ATP8A2: variants seen among roughly 807,000 people sequenced by gnomAD.
The protein encoded by ATP8A2 is phospholipid-transporting ATPase IB.
A neutral mutation model predicts 165.6 loss-of-function variants in ATP8A2; 100 were observed. The observed-to-expected ratio is 0.60, with a 90% CI of 0.51 to 0.71. The LOEUF is 0.71. Ranked by LOEUF, ATP8A2 falls within the 30% of genes least tolerant of loss-of-function variation. The probability of loss-of-function intolerance (pLI) is 0.00; values close to 1 mark genes in which losing one functional copy is unlikely to be tolerated. For missense variants in ATP8A2, 1,227 were observed against 1,479.5 expected (o/e 0.83, Z 2.80); for synonymous variants, 543 against 548.8 (o/e 0.99, Z 0.15).
intron 1 of ATP8A2, among the ~76,000 whole-genome samples, chr13:25,439,524 C>T (rs1486446917): frequency 6.6e-6 from 1 of 152,180 alleles, no homozygotes; most frequent in East Asian, 1.9e-4. Context: ...AAGCTTTCTA[C>T]CACTTGTTTT....
intron 24 of ATP8A2, among the ~76,000 whole-genome samples, chr13:25,694,403 T>C (rs1267301726): frequency 2.6e-5 from 4 of 152,216 alleles, no homozygotes; most frequent in African/African-American, 9.6e-5. Context: ...CAAATCTGTG[T>C]ACCTTGTCTC....
intron 25 of ATP8A2, among the ~76,000 whole-genome samples, chr13:25,711,792 A>C (rs2043164836): frequency 6.6e-6 from 1 of 152,174 alleles, no homozygotes; most frequent in Admixed American, 6.5e-5. Flanking sequence ...TAAGAGTTAG[A>C]ATCTGTAATT....
chr13:25,917,968 A>T (rs577521758), intron 33 of ATP8A2, among the ~76,000 whole-genome samples: 2 of 152,378 alleles, frequency 1.3e-5, no homozygotes, highest in East Asian at 3.9e-4. Context: ...TTCTTTGAAT[A>T]TTGGAAGCCC....
intron 25 of ATP8A2, among the ~76,000 whole-genome samples, chr13:25,756,979 C>T (rs1169898172): frequency 6.6e-6 from 1 of 152,198 alleles, no homozygotes; most frequent in Non-Finnish European, 1.5e-5. Context: ...CCCTTGAATC[C>T]TGCTCGCTCA....
At chr13:25,414,768 G>T (rs1288749476) in intron 1 of ATP8A2, among the ~76,000 whole-genome samples, 1 of 152,140 alleles carries the variant, frequency 6.6e-6, no homozygotes, top group African/African-American at 2.4e-5. Context: ...GAATTTCATT[G>T]CCCAAGTTGT....
chr13:25,549,328 C>T (rs141427752), intron 10 of ATP8A2, among the ~76,000 whole-genome samples: 9,647 of 151,830 alleles, frequency 0.064, 398 homozygotes, highest in South Asian at 0.13. Context: ...GGCATGGTGG[C>T]GCACACTTGT....
chr13:25,957,244 T>C (rs1254586363), intron 33 of ATP8A2, among the ~76,000 whole-genome samples: 1 of 152,142 alleles, frequency 6.6e-6, no homozygotes, highest in African/African-American at 2.4e-5. Context: ...CCAAAAGCAA[T>C]GGCAACAAAA....
intron 24 of ATP8A2, among the ~76,000 whole-genome samples, chr13:25,618,107 T>C (rs74375878): frequency 1.3e-5 from 2 of 152,142 alleles, no homozygotes; most frequent in East Asian, 3.8e-4. Context: ...TTGACATAAG[T>C]CTTATGCTTC....
intron 25 of ATP8A2, among the ~76,000 whole-genome samples, chr13:25,714,333 A>G (rs2043212215): frequency 6.6e-6 from 1 of 152,090 alleles, no homozygotes; most frequent in Admixed American, 6.5e-5. Flanking sequence ...CCACTGACAC[A>G]TGGCAAACTC....
At chr13:25,397,204 A>AG (rs2033457466) in intron 1 of ATP8A2, among the ~76,000 whole-genome samples, 2 of 152,224 alleles carry the variant, frequency 1.3e-5, no homozygotes, top group African/African-American at 4.8e-5. Flanking sequence ...ACCAGTGAGG[A>AG]GGGGAAGAGC....
At chr13:25,742,076 C>G (rs1280734089) in intron 25 of ATP8A2, among the ~76,000 whole-genome samples, 10 of 152,156 alleles carry the variant, frequency 6.6e-5, no homozygotes. Context: ...AGAGTATACA[C>G]ACACAAACCT....
chr13:25,848,779 A>G (rs1216605742), intron 30 of ATP8A2, among the ~76,000 whole-genome samples: 2 of 152,136 alleles, frequency 1.3e-5, no homozygotes, highest in African/African-American at 4.8e-5. Context: ...TTTTACGGGG[A>G]GGAAAAAAAT....
intron 24 of ATP8A2, among the ~76,000 whole-genome samples, chr13:25,624,720 A>C (rs1242463748): frequency 6.6e-6 from 1 of 152,192 alleles, no homozygotes; most frequent in Non-Finnish European, 1.5e-5. Flanking sequence ...TGTGAGTTAC[A>C]CTTGCACAGG....
chr13:25,585,395 T>C (rs563029010), intron 23 of ATP8A2, among the ~76,000 whole-genome samples: 2 of 152,332 alleles, frequency 1.3e-5, no homozygotes, highest in Non-Finnish European at 2.9e-5. Flanking sequence ...GTCTGTAATT[T>C]TTTTTAATGG....
chr13:25,777,979 A>G (rs1012326334), intron 27 of ATP8A2, among the ~76,000 whole-genome samples: 1 of 152,240 alleles, frequency 6.6e-6, no homozygotes, highest in African/African-American at 2.4e-5. Context: ...CAAACAAATC[A>G]AGGATTTTAG....
chr13:25,434,739 A>G (rs2138166705), intron 1 of ATP8A2, among the ~76,000 whole-genome samples: 1 of 152,242 alleles, frequency 6.6e-6, no homozygotes, highest in African/African-American at 2.4e-5. Flanking sequence ...ACCCAGCCCC[A>G]TGCATTCTAT....
At chr13:25,417,941 A>G (rs1333983387) in intron 1 of ATP8A2, among the ~76,000 whole-genome samples, 1 of 152,214 alleles carries the variant, frequency 6.6e-6, no homozygotes, top group Non-Finnish European at 1.5e-5. Flanking sequence ...TCTGAAAGTA[A>G]AATTAACTGG....
chr13:25,778,044 T>A (rs2138338782), intron 27 of ATP8A2, among the ~76,000 whole-genome samples: 1 of 152,324 alleles, frequency 6.6e-6, no homozygotes, highest in Non-Finnish European at 1.5e-5. Flanking sequence ...CCTGACAGTG[T>A]ATTCTGGAGA....
chr13:25,937,362 C>CTTTATTTTTTTTTT, intron 33 of ATP8A2, among the ~76,000 whole-genome samples: 2 of 38,806 alleles, frequency 5.2e-5, no homozygotes, highest in East Asian at 2.2e-3. Context: ...TTCTTTCTTT[C>CTTTATTTTTTTTTT]TTTTTTTTTT....
Sources: allele counts gnomAD v4.1 joint callset (sites outside exome capture counted in the v4.1 genomes callset), GRCh38; gene constraint gnomAD v4.1.1; transcripts MANE v1.5; gene names NCBI Gene and HGNC (gene_info 2026-07-23, HGNC 2026-07-21).